Variants in SV2C observed in about 807,000 individuals in gnomAD.
The protein encoded by SV2C is synaptic vesicle glycoprotein 2C.
A neutral mutation model predicts 79.7 loss-of-function variants in SV2C; 49 were observed. The ratio of observed to expected loss-of-function variants is 0.61; its 90% CI spans 0.49 to 0.78. SV2C has a LOEUF of 0.78. SV2C is among the 30% of genes least tolerant of loss of function. SV2C has a pLI of 0.00. For missense variants in SV2C, 833 were observed against 912.9 expected, an observed-to-expected ratio of 0.91 and a Z score of 1.13; for synonymous variants, 334 against 333.2, an observed-to-expected ratio of 1.00 and a Z score of -0.03.
intron 3 of SV2C, among the ~76,000 whole-genome samples, chr5:76,202,494 A>G (rs1455437552): frequency 6.6e-6 from 1 of 152,214 alleles, no homozygotes; most frequent in Non-Finnish European, 1.5e-5. Context: ...GCTGTGCTTC[A>G]GACTCAACCA....
At chr5:76,113,187 C>T (rs987962745) in intron 1 of SV2C, among the ~76,000 whole-genome samples, 6 of 152,200 alleles carry the variant, frequency 3.9e-5, no homozygotes, top group African/African-American at 1.4e-4. Context: ...TCTACTTGTC[C>T]ACCTTTTGCC....
intron 4 of SV2C, among the ~76,000 whole-genome samples, chr5:76,231,728 A>G (rs1400128979): frequency 2.8e-5 from 4 of 143,612 alleles, no homozygotes; most frequent in East Asian, 1.9e-4. Context: ...GAGAACGATG[A>G]TTTCCAATTT....
At chr5:75,985,687 A>G in the SV2C span, among the ~76,000 whole-genome samples, 1 of 151,898 alleles carries the variant, frequency 6.6e-6, no homozygotes, top group African/African-American at 2.4e-5. Flanking sequence ...AACAAAAGTA[A>G]TGTTAAAAAA....
chr5:76,141,011 G>T (rs1421772955), intron 2 of SV2C, among the ~76,000 whole-genome samples: 1 of 152,164 alleles, frequency 6.6e-6, no homozygotes, highest in Non-Finnish European at 1.5e-5. Flanking sequence ...TGCAAAATTG[G>T]AAAAGAAGAT....
chr5:76,225,813 C>T (rs1482517549), intron 4 of SV2C, among the ~76,000 whole-genome samples: 1 of 152,154 alleles, frequency 6.6e-6, no homozygotes. Context: ...TCCATTACAG[C>T]TAAACAAACT....
chr5:76,069,594 C>T, the SV2C span, among the ~76,000 whole-genome samples: 9 of 152,108 alleles, frequency 5.9e-5, no homozygotes, highest in South Asian at 6.2e-4. Flanking sequence ...CAGACTCTCC[C>T]GGGAATCCCA....
intron 4 of SV2C, among the ~76,000 whole-genome samples, chr5:76,228,464 A>G (rs1397502622): frequency 6.6e-6 from 1 of 152,184 alleles, no homozygotes; most frequent in Non-Finnish European, 1.5e-5. Context: ...CTGATGATGC[A>G]CTTCAGGAAG....
intron 2 of SV2C, among the ~76,000 whole-genome samples, chr5:76,179,995 T>C (rs980055459): frequency 2.0e-5 from 3 of 152,228 alleles, no homozygotes; most frequent in African/African-American, 7.2e-5. Flanking sequence ...TTGGAGGCTT[T>C]GTGCAATTAT....
chr5:76,150,983 T>A (rs1749587283), intron 2 of SV2C, among the ~76,000 whole-genome samples: 2 of 152,176 alleles, frequency 1.3e-5, no homozygotes, highest in Non-Finnish European at 2.9e-5. Context: ...CACTGTAATC[T>A]GTTGTATGGC....
the SV2C span, among the ~76,000 whole-genome samples, chr5:75,958,386 A>C: frequency 2.2e-4 from 34 of 151,910 alleles, no homozygotes; most frequent in South Asian, 6.2e-4. Flanking sequence ...TCTCATATGA[A>C]GTTCCCTAAA....
chr5:75,897,853 G>A, the SV2C span, among the ~76,000 whole-genome samples: 2,500 of 106,772 alleles, frequency 0.023, 17 homozygotes, highest in Non-Finnish European at 0.031. Flanking sequence ...GTTCACTCAT[G>A]ATTTGGCTCT....
chr5:75,855,614 T>A, the SV2C span, among the ~76,000 whole-genome samples: 3 of 152,152 alleles, frequency 2.0e-5, no homozygotes, highest in East Asian at 3.8e-4. Flanking sequence ...TATTATTATA[T>A]CTGATATGAT....
chr5:76,108,910 A>G (rs1217919084), intron 1 of SV2C, among the ~76,000 whole-genome samples: 1 of 152,184 alleles, frequency 6.6e-6, no homozygotes, highest in African/African-American at 2.4e-5. Flanking sequence ...GTATCTCAAC[A>G]TTGTCCTGTT....
intron 12 of SV2C, among the ~76,000 whole-genome samples, chr5:76,320,807 G>A (rs1326881577): frequency 6.6e-6 from 1 of 152,062 alleles, no homozygotes; most frequent in Non-Finnish European, 1.5e-5. Context: ...AAAAAGAAGA[G>A]GAAGAATATG....
chr5:75,968,682 G>A, the SV2C span, among the ~76,000 whole-genome samples: 1 of 152,230 alleles, frequency 6.6e-6, no homozygotes, highest in Non-Finnish European at 1.5e-5. Flanking sequence ...TATGTGAAAA[G>A]ACCAAATCTA....
At chr5:75,962,133 A>G in the SV2C span, among the ~76,000 whole-genome samples, 1 of 152,140 alleles carries the variant, frequency 6.6e-6, no homozygotes, top group Non-Finnish European at 1.5e-5. Flanking sequence ...CAGGACCTGA[A>G]GGACTTGGTC....
chr5:76,077,061 A>G, the SV2C span, among the ~76,000 whole-genome samples: 1 of 152,228 alleles, frequency 6.6e-6, no homozygotes, highest in African/African-American at 2.4e-5. Flanking sequence ...ACCATTTAGC[A>G]AAACCCAAAT....
chr5:75,894,364 A>G, the SV2C span, among the ~76,000 whole-genome samples: 2 of 152,134 alleles, frequency 1.3e-5, no homozygotes, highest in Non-Finnish European at 2.9e-5. Flanking sequence ...ATAAATATTT[A>G]TAAAATCATG....
intron 1 of SV2C, among the ~76,000 whole-genome samples, chr5:76,121,053 T>C (rs369827741): frequency 0.029 from 4,251 of 146,252 alleles, 192 homozygotes; most frequent in African/African-American, 0.11. Context: ...TTTTAATGAT[T>C]GCCATTCTAA....
Sources: allele counts gnomAD v4.1 joint callset (sites outside exome capture counted in the v4.1 genomes callset), GRCh38; gene constraint gnomAD v4.1.1; transcripts MANE v1.5; gene names NCBI Gene and HGNC (gene_info 2026-07-23, HGNC 2026-07-21).